CHN2: variants seen among roughly 807,000 people sequenced by gnomAD.
CHN2 encodes beta-chimaerin.
Under a neutral mutation model 56.3 loss-of-function variants are expected in CHN2, and 35 were observed. The ratio of observed to expected loss-of-function variants is 0.62; its 90% CI spans 0.47 to 0.82. The LOEUF (loss-of-function observed/expected upper bound fraction) is 0.82. CHN2 is among the 40% of genes least tolerant of loss of function. The pLI is 0.00. For missense variants in CHN2, 491 were observed against 580.5 expected (o/e 0.85, Z 1.58); for synonymous variants, 210 against 212.8 (o/e 0.99, Z 0.12).
Position 29,154,760 on chromosome 7 carries a change from G to A in CHN2, c.274+7800G>A, listed in dbSNP as rs185136250. On this transcript the variant is annotated intron_variant, in intron 2 of 6. Coordinates refer to the CHN2 transcript ENST00000439384. ...TGAGGCAGGAGAATCTCTAGAACCC[G>A]GAAGGCAGAGGTTGCAGTGAACCAA... Among the ~76,000 whole-genome samples the A allele has an allele frequency of 4.4e-3, 672 of 152,272 alleles. 6 individuals carry two copies. The highest frequency in any genetic ancestry group is 0.015 in the African/African-American group (623 of 41,564).
intron 1 of CHN2, among the ~76,000 whole-genome samples, chr7:29,278,634 C>T (rs898327354): frequency 6.6e-6 from 1 of 152,182 alleles, no homozygotes; most frequent in Non-Finnish European, 1.5e-5. Context: ...CCCATACCCT[C>T]CAAACCACGA....
At chr7:29,417,040 C>G (rs1480097778) in intron 6 of CHN2, among the ~76,000 whole-genome samples, 1 of 152,114 alleles carries the variant, frequency 6.6e-6, no homozygotes, top group Non-Finnish European at 1.5e-5. Context: ...TGCATGCCGC[C>G]GGGTAGCATC....
At chr7:29,250,708 CTTCTTTT>C (rs1562864885) in intron 1 of CHN2, among the ~76,000 whole-genome samples, 4 of 145,520 alleles carry the variant, frequency 2.7e-5, no homozygotes, top group Admixed American at 7.1e-5. Context: ...ACCTGAACTT[CTTCTTTT>C]TTTTTTTTTT....
chr7:29,509,448 A>C, intron 12 of CHN2, 42 bp downstream of exon 12: 1 of 1,498,872 alleles, frequency 6.7e-7, no homozygotes, highest in East Asian at 2.3e-5. Context: ...CTGCTCCTAG[A>C]GCGGTTAATG....
intron 7 of CHN2, among the ~76,000 whole-genome samples, chr7:29,482,885 G>A (rs1300398313): frequency 4.9e-5 from 6 of 122,812 alleles, no homozygotes; most frequent in South Asian, 5.4e-4. Flanking sequence ...GCAGTGGCGC[G>A]ATCTCGGCTC....
At chr7:29,475,466 A>G (rs1394774658) in intron 6 of CHN2, among the ~76,000 whole-genome samples, 1 of 152,168 alleles carries the variant, frequency 6.6e-6, no homozygotes, top group Non-Finnish European at 1.5e-5. Context: ...TAATGTAAGT[A>G]TTATGGGGAT....
At chr7:29,249,194 A>G (rs964285645) in intron 1 of CHN2, among the ~76,000 whole-genome samples, 2 of 152,174 alleles carry the variant, frequency 1.3e-5, no homozygotes, top group Non-Finnish European at 2.9e-5. Flanking sequence ...AGCATGGCTC[A>G]GTCCAAGTCC....
intron 1 of CHN2, among the ~76,000 whole-genome samples, chr7:29,349,009 T>C (rs1205764713): frequency 6.6e-6 from 1 of 152,238 alleles, no homozygotes; most frequent in African/African-American, 2.4e-5. Context: ...ATAACCTGAT[T>C]TGTTAATACT....
chr7:29,507,298 G>T lies in CHN2; in HGVS notation c.1062G>T (p.Leu354=). The T allele has an allele frequency of 6.2e-7, 1 of 1,613,258 alleles. No individual in the cohort carries two copies. The highest frequency in any genetic ancestry group is 8.5e-7 in the Non-Finnish European group (1 of 1,179,392). Residue 354 remains leucine (L), a synonymous_variant, in exon 11 of 13, where the codon CTG becomes CTT. Coordinates refer to ENST00000222792, the MANE Select transcript of CHN2 (RefSeq NM_004067.4). ...DINIITGALK[L]YFRDLPIPVI... ...ACATCATCACTGGAGCCCTTAAACT[G>T]TATTTCAGAGACTTACCCATCCCTG...
At chr7:29,230,271 T>C (rs1395626619) in intron 1 of CHN2, among the ~76,000 whole-genome samples, 1 of 152,238 alleles carries the variant, frequency 6.6e-6, no homozygotes, top group Admixed American at 6.5e-5. Flanking sequence ...CACATGGTAT[T>C]GTCTTACTAA....
chr7:29,355,180 A>G (rs922762296), intron 2 of CHN2, among the ~76,000 whole-genome samples: 4 of 152,050 alleles, frequency 2.6e-5, no homozygotes, highest in Non-Finnish European at 5.9e-5. Context: ...CATGTTGGTC[A>G]GGATGGTCTC....
chr7:29,303,599 C>T (rs1375968919), intron 1 of CHN2, among the ~76,000 whole-genome samples: 3 of 152,210 alleles, frequency 2.0e-5, no homozygotes, highest in Admixed American at 6.5e-5. Context: ...AATACCCTTC[C>T]ACCACCTCCA....
At chr7:29,339,417 C>T (rs1419154391) in intron 1 of CHN2, among the ~76,000 whole-genome samples, 1 of 152,146 alleles carries the variant, frequency 6.6e-6, no homozygotes, top group Non-Finnish European at 1.5e-5. Context: ...CGAGCTATGC[C>T]TCATTTTTAA....
intron 1 of CHN2, among the ~76,000 whole-genome samples, chr7:29,325,152 C>T (rs1200995492): frequency 6.6e-6 from 1 of 152,098 alleles, no homozygotes; most frequent in Non-Finnish European, 1.5e-5. Context: ...GAGAATTCTC[C>T]CTTTCTCCCT....
At chr7:29,171,229 A>G (rs1025276636) in intron 2 of CHN2, among the ~76,000 whole-genome samples, 11 of 152,132 alleles carry the variant, frequency 7.2e-5, no homozygotes, top group Non-Finnish European at 1.6e-4. Context: ...GACATCACCT[A>G]ATACGCGTCC....
chr7:29,211,450 GCACACACA>G (rs148200755), intron 1 of CHN2, among the ~76,000 whole-genome samples: 1,981 of 138,426 alleles, frequency 0.014, 33 homozygotes, highest in African/African-American at 0.042. Context: ...CTGCATGTTG[GCACACACA>G]CACACACACA....
chr7:29,357,863 G>A (rs1798423153), intron 2 of CHN2, among the ~76,000 whole-genome samples: 1 of 152,144 alleles, frequency 6.6e-6, no homozygotes, highest in Non-Finnish European at 1.5e-5. Context: ...TAAACTGTTG[G>A]TAAACCCGTT....
intron 1 of CHN2, among the ~76,000 whole-genome samples, chr7:29,336,612 T>C (rs573813020): frequency 1.3e-5 from 2 of 151,928 alleles, no homozygotes; most frequent in African/African-American, 4.8e-5. Flanking sequence ...AATTTTTAAT[T>C]AGCTAAGCAT....
At chr7:29,338,141 T>C (rs532593912) in intron 1 of CHN2, among the ~76,000 whole-genome samples, 1 of 152,098 alleles carries the variant, frequency 6.6e-6, no homozygotes, top group Non-Finnish European at 1.5e-5. Context: ...CATAAATGAG[T>C]TTGATTGCTA....
Sources: allele counts gnomAD v4.1 joint callset (sites outside exome capture counted in the v4.1 genomes callset), GRCh38; gene constraint gnomAD v4.1.1; transcripts MANE v1.5; gene names NCBI Gene and HGNC (gene_info 2026-07-23, HGNC 2026-07-21).